Variants in ELMO1 observed in about 807,000 individuals in gnomAD.
ELMO1 encodes the protein engulfment and cell motility 1.
In ELMO1, 26 loss-of-function variants were observed where a neutral mutation model predicts 98.9. The observed-to-expected ratio is 0.26, with a 90% CI of 0.19 to 0.36. ELMO1 has a LOEUF of 0.36. Among genes scored for constraint, ELMO1 ranks in the 10% least tolerant of loss-of-function variants. ELMO1 has a pLI of 1.00. For synonymous variants in ELMO1, 346 were observed against 346.0 expected (o/e 1.00, Z 0.00); for missense variants, 627 against 935.2 (o/e 0.67, Z 4.30).
intron 14 of ELMO1, among the ~76,000 whole-genome samples, chr7:37,128,910 T>C (rs1433517709): frequency 1.3e-5 from 2 of 152,146 alleles, no homozygotes; most frequent in Non-Finnish European, 2.9e-5. Flanking sequence ...TTTAAGGCTG[T>C]ACAATGTTCT....
At chr7:37,421,921 T>C (rs186052162) in intron 1 of ELMO1, among the ~76,000 whole-genome samples, 169 of 152,238 alleles carry the variant, frequency 1.1e-3, no homozygotes, top group African/African-American at 4.0e-3. Context: ...TGATGGGCAG[T>C]GGTGTTTCTG....
chr7:37,161,266 A>G (rs189788038), intron 13 of ELMO1, among the ~76,000 whole-genome samples: 1 of 152,228 alleles, frequency 6.6e-6, no homozygotes, highest in Admixed American at 6.5e-5. Flanking sequence ...ACTAGACTTC[A>G]GATGTCATTC....
chr7:37,238,207 G>A (rs1009133532), intron 7 of ELMO1, among the ~76,000 whole-genome samples: 1 of 152,036 alleles, frequency 6.6e-6, no homozygotes, highest in Admixed American at 6.5e-5. Flanking sequence ...CCCTCCACTT[G>A]TTTAGGTCTT....
At chr7:37,160,358 T>G (rs1275567608) in intron 13 of ELMO1, among the ~76,000 whole-genome samples, 3 of 152,232 alleles carry the variant, frequency 2.0e-5, no homozygotes, top group Non-Finnish European at 4.4e-5. Context: ...CACAAATGAA[T>G]CTTTCCTGAA....
intron 19 of ELMO1, among the ~76,000 whole-genome samples, chr7:36,875,791 A>G (rs1448324032): frequency 6.6e-6 from 1 of 152,098 alleles, no homozygotes; most frequent in African/African-American, 2.4e-5. Context: ...AAGACCAGGA[A>G]CTGCCCCTAC....
chr7:36,863,305 G>A (rs921986017), intron 20 of ELMO1, among the ~76,000 whole-genome samples: 13 of 152,254 alleles, frequency 8.5e-5, no homozygotes, highest in African/African-American at 2.6e-4. Flanking sequence ...GAAGGGCGCC[G>A]AAACAAGCAA....
At chr7:36,968,547 C>T (rs1378302874) in intron 16 of ELMO1, among the ~76,000 whole-genome samples, 1 of 152,132 alleles carries the variant, frequency 6.6e-6, no homozygotes, top group Admixed American at 6.5e-5. Flanking sequence ...GGCATATTGC[C>T]ACCCATTAAA....
intron 1 of ELMO1, among the ~76,000 whole-genome samples, chr7:37,382,656 C>T (rs938765730): frequency 3.3e-5 from 5 of 152,114 alleles, no homozygotes; most frequent in African/African-American, 9.7e-5. Context: ...CCCTTATCTG[C>T]CATTAGTATT....
chr7:37,005,462 C>A (rs1409289651), intron 16 of ELMO1, among the ~76,000 whole-genome samples: 7 of 152,084 alleles, frequency 4.6e-5, no homozygotes, highest in Admixed American at 4.6e-4. Context: ...GAGGCCAAGG[C>A]AGGTGAATCA....
chr7:37,173,064 T>C (rs1294992428), intron 13 of ELMO1, among the ~76,000 whole-genome samples: 1 of 152,238 alleles, frequency 6.6e-6, no homozygotes, highest in Non-Finnish European at 1.5e-5. Context: ...GACTTGACTT[T>C]CCTCTTCAAC....
intron 6 of ELMO1, among the ~76,000 whole-genome samples, chr7:37,245,631 G>T (rs1239044554): frequency 6.6e-6 from 1 of 152,084 alleles, no homozygotes; most frequent in Non-Finnish European, 1.5e-5. Flanking sequence ...AGGGTGAAAG[G>T]GTGAGACGGG....
chr7:37,316,724 T>C (rs1050547424), intron 2 of ELMO1, among the ~76,000 whole-genome samples: 4 of 152,094 alleles, frequency 2.6e-5, no homozygotes, highest in Non-Finnish European at 5.9e-5. Context: ...ATGGGGAGTA[T>C]CATGTCAACC....
chr7:37,287,071 T>C (rs985152888), intron 4 of ELMO1, among the ~76,000 whole-genome samples: 54 of 152,060 alleles, frequency 3.6e-4, no homozygotes, highest in African/African-American at 1.1e-3. Flanking sequence ...CATATGCCTA[T>C]AGTTCCAGCT....
chr7:36,876,110 CTCTT>C (rs1333047739), intron 19 of ELMO1, among the ~76,000 whole-genome samples: 15 of 152,202 alleles, frequency 9.9e-5, no homozygotes, highest in Non-Finnish European at 1.6e-4. Flanking sequence ...ATAACCTCAA[CTCTT>C]TCTGTTTAAC....
chr7:37,323,533 A>C (rs1799630662), intron 2 of ELMO1, among the ~76,000 whole-genome samples: 1 of 152,148 alleles, frequency 6.6e-6, no homozygotes, highest in South Asian at 2.1e-4. Context: ...GTCTCTACTA[A>C]ATTACAAAAA....
intron 16 of ELMO1, among the ~76,000 whole-genome samples, chr7:36,905,593 G>A (rs914274558): frequency 6.6e-6 from 1 of 152,188 alleles, no homozygotes; most frequent in African/African-American, 2.4e-5. Flanking sequence ...TCAACATTCA[G>A]GGTGTTTACC....
At chr7:37,044,815 T>A (rs148523148) in intron 15 of ELMO1, among the ~76,000 whole-genome samples, 129 of 152,354 alleles carry the variant, frequency 8.5e-4, no homozygotes, top group African/African-American at 3.0e-3. Context: ...TTGGCTTCCA[T>A]CCTCAAGTCC....
intron 6 of ELMO1, among the ~76,000 whole-genome samples, chr7:37,244,651 A>G (rs1562548835): frequency 6.6e-6 from 1 of 152,234 alleles, no homozygotes; most frequent in Non-Finnish European, 1.5e-5. Flanking sequence ...AAGGCATCCA[A>G]AACCGTCCAT....
At chr7:37,251,147 T>G (rs1486491506) in intron 6 of ELMO1, among the ~76,000 whole-genome samples, 2 of 152,174 alleles carry the variant, frequency 1.3e-5, no homozygotes, top group Non-Finnish European at 2.9e-5. Flanking sequence ...ACTTAAGAGT[T>G]GTGGACACAA....
Sources: allele counts gnomAD v4.1 joint callset (sites outside exome capture counted in the v4.1 genomes callset), GRCh38; gene constraint gnomAD v4.1.1; transcripts MANE v1.5; gene names NCBI Gene and HGNC (gene_info 2026-07-23, HGNC 2026-07-21).